DLGAP1: variants seen among roughly 807,000 people sequenced by gnomAD.
DLGAP1 encodes DLG associated protein 1.
A neutral mutation model predicts 90.8 loss-of-function variants in DLGAP1; 11 were observed. The ratio of observed to expected loss-of-function variants is 0.12; its 90% CI spans 0.08 to 0.20. The LOEUF is 0.20. Ranked by LOEUF, DLGAP1 falls within the 10% of genes least tolerant of loss-of-function variation. The pLI is 1.00. For missense variants in DLGAP1, 1,050 were observed against 1,333.8 expected, an observed-to-expected ratio of 0.79 and a Z score of 3.31; for synonymous variants, 558 against 540.7, an observed-to-expected ratio of 1.03 and a Z score of -0.44.
chr18:3,785,384 T>C (rs1205791318), intron 5 of DLGAP1, among the ~76,000 whole-genome samples: 2 of 152,118 alleles, frequency 1.3e-5, no homozygotes, highest in African/African-American at 4.8e-5. Flanking sequence ...ACTGAAAAAC[T>C]GGCTGACAAA....
intron 2 of DLGAP1, among the ~76,000 whole-genome samples, chr18:4,077,799 G>A (rs2075546039): frequency 6.6e-6 from 1 of 152,158 alleles, no homozygotes; most frequent in African/African-American, 2.4e-5. Context: ...GATTAAGACA[G>A]GAGTATACAG....
chr18:4,454,420 C>CTCTCTCTCTT lies in DLGAP1; in HGVS notation c.-267+585_-267+586insAAGAGAGAGA. Among the ~76,000 whole-genome samples, 2 of 152,230 alleles carry CTCTCTCTCTT rather than the reference C, an allele frequency of 1.3e-5. No homozygotes were observed. Among genetic ancestry groups the CTCTCTCTCTT allele is most frequent in the Admixed American group, 1.3e-4 (2 of 15,292 alleles). ...TTGGACCCCATTTCTCTCTCTCTCT[C>CTCTCTCTCTT]TCTCTCTGTGCCTGTCTTTGTGTCT... On this transcript the variant is annotated intron_variant, in intron 1 of 12. Transcript: ENST00000315677. The surrounding 1 kb of genome is among the most constrained non-coding windows in gnomAD (Gnocchi z 4.7).
intron 1 of DLGAP1, among the ~76,000 whole-genome samples, chr18:4,360,660 T>C (rs1210750382): frequency 6.6e-6 from 1 of 152,102 alleles, no homozygotes; most frequent in Non-Finnish European, 1.5e-5. Context: ...ACAGAGAATG[T>C]TGATGGAATG....
intron 1 of DLGAP1, among the ~76,000 whole-genome samples, chr18:4,379,373 T>G (rs1050984415): frequency 6.6e-6 from 1 of 152,152 alleles, no homozygotes; most frequent in Admixed American, 6.6e-5. Flanking sequence ...ACTGCCATCT[T>G]TTAATAAATA....
At chr18:3,708,798 G>A (rs1391242711) in intron 7 of DLGAP1, among the ~76,000 whole-genome samples, 1 of 152,214 alleles carries the variant, frequency 6.6e-6, no homozygotes, top group Non-Finnish European at 1.5e-5. Context: ...TACGCGTAAA[G>A]AGACTCCTCA....
At chr18:3,553,812 C>T (rs976020810) in intron 9 of DLGAP1, among the ~76,000 whole-genome samples, 4 of 152,144 alleles carry the variant, frequency 2.6e-5, no homozygotes, top group African/African-American at 7.2e-5. Flanking sequence ...GGATTACAAG[C>T]GTGAGCCACC....
chr18:4,279,982 T>A (rs1279827845), intron 1 of DLGAP1, among the ~76,000 whole-genome samples: 1 of 152,204 alleles, frequency 6.6e-6, no homozygotes, highest in Non-Finnish European at 1.5e-5. Context: ...TATTTTCAAT[T>A]TATAATGAAT....
intron 2 of DLGAP1, among the ~76,000 whole-genome samples, chr18:4,094,624 G>A (rs201631797): frequency 2.2e-5 from 1 of 45,088 alleles, no homozygotes; most frequent in Non-Finnish European, 4.7e-5. Context: ...TTTTTTTTTT[G>A]TCTTGTTTTG....
intron 7 of DLGAP1, among the ~76,000 whole-genome samples, chr18:3,699,988 C>T (rs574592865): frequency 1.3e-5 from 2 of 152,182 alleles, no homozygotes; most frequent in Admixed American, 6.5e-5. Flanking sequence ...CAAGCTCAAG[C>T]GTCCCAGGTG....
intron 2 of DLGAP1, among the ~76,000 whole-genome samples, chr18:4,057,004 T>TATACACACAC (rs1232653186): frequency 8.7e-6 from 1 of 115,020 alleles, no homozygotes; most frequent in East Asian, 2.8e-4. Flanking sequence ...TGACCATACA[T>TATACACACAC]ACACACACAC....
At chr18:4,112,547 C>G (rs995466720) in intron 2 of DLGAP1, among the ~76,000 whole-genome samples, 2 of 152,092 alleles carry the variant, frequency 1.3e-5, no homozygotes, top group Non-Finnish European at 2.9e-5. Context: ...ATCCATTTCT[C>G]CCTTCAGTTC....
chr18:4,322,186 C>G (rs185549354), intron 1 of DLGAP1, among the ~76,000 whole-genome samples: 210 of 150,784 alleles, frequency 1.4e-3, no homozygotes, highest in Admixed American at 2.6e-3. Flanking sequence ...GGCAACAGAG[C>G]AAGGCTCCAT....
At chr18:3,752,617 C>T (rs964957637) in intron 5 of DLGAP1, among the ~76,000 whole-genome samples, 4 of 139,044 alleles carry the variant, frequency 2.9e-5, no homozygotes, top group African/African-American at 1.1e-4. Flanking sequence ...TCTCTTTCTC[C>T]CTCTCCCCCT....
chr18:3,829,006 A>C (rs2067885908), intron 4 of DLGAP1, among the ~76,000 whole-genome samples: 1 of 152,238 alleles, frequency 6.6e-6, no homozygotes, highest in South Asian at 2.1e-4. Flanking sequence ...GAGAATGCTT[A>C]TAAAAGTGGC....
intron 7 of DLGAP1, among the ~76,000 whole-genome samples, chr18:3,622,203 C>T (rs2058120439): frequency 6.6e-6 from 1 of 151,910 alleles, no homozygotes; most frequent in African/African-American, 2.4e-5. Flanking sequence ...CTCCCAGGTT[C>T]ATGCCATTCT....
chr18:4,215,343 T>C (rs1465111772), intron 1 of DLGAP1, among the ~76,000 whole-genome samples: 3 of 152,292 alleles, frequency 2.0e-5, no homozygotes, highest in Non-Finnish European at 1.5e-5. Flanking sequence ...CTACCAATTA[T>C]CTTTGTCAAT....
intron 4 of DLGAP1, among the ~76,000 whole-genome samples, chr18:3,834,133 C>T (rs1031939565): frequency 3.3e-5 from 5 of 151,256 alleles, no homozygotes; most frequent in African/African-American, 1.2e-4. Context: ...GGTGAAACTC[C>T]GTCTCTACTA....
intron 4 of DLGAP1, chr18:3,874,147 C>T: frequency 1.9e-6 from 3 of 1,549,944 alleles, no homozygotes; most frequent in Non-Finnish European, 2.6e-6. Context: ...AAGAGTTATA[C>T]CCAAACCTGG....
chr18:4,009,231 C>T (rs374731053), intron 2 of DLGAP1, among the ~76,000 whole-genome samples: 5 of 152,160 alleles, frequency 3.3e-5, no homozygotes, highest in African/African-American at 9.7e-5. Context: ...ACTCCACTTG[C>T]GCTCCATGCT....
Sources: gnomAD v4.1 joint callset for allele counts (sites outside exome capture counted in the v4.1 genomes callset) on GRCh38, gnomAD v4.1.1 for gene constraint, Gnocchi (gnomAD v3.1) non-coding constraint, MANE v1.5 for transcripts, NCBI Gene and HGNC (gene_info 2026-07-23, HGNC 2026-07-21) for gene names.